CSMD1: variants seen among roughly 807,000 people sequenced by gnomAD.
CSMD1 encodes CUB and Sushi multiple domains 1, also known as CUB and sushi domain-containing protein 1.
Under a neutral mutation model 417.5 loss-of-function variants are expected in CSMD1, and 213 were observed. The ratio of observed to expected loss-of-function variants is 0.51; its 90% CI spans 0.46 to 0.57. CSMD1 has a LOEUF of 0.57. Among genes scored for constraint, CSMD1 ranks in the 20% least tolerant of loss-of-function variants. The pLI, the probability that CSMD1 is intolerant of heterozygous loss-of-function variation, is 0.00. For synonymous variants in CSMD1, 2,862 were observed against 1,736.8 expected, an observed-to-expected ratio of 1.65 and a Z score of -16.11; for missense variants, 6,923 against 4,529.7, an observed-to-expected ratio of 1.53 and a Z score of -15.17.
intron 7 of CSMD1, among the ~76,000 whole-genome samples, chr8:3,653,421 G>T (rs1192912047): frequency 6.6e-6 from 1 of 152,084 alleles, no homozygotes; most frequent in East Asian, 1.9e-4. Context: ...CGATTGTCCT[G>T]CCTCAGCCTC....
At chr8:3,258,287 C>T (rs552637365) in intron 26 of CSMD1, among the ~76,000 whole-genome samples, 18 of 152,220 alleles carry the variant, frequency 1.2e-4, no homozygotes, top group African/African-American at 4.1e-4. Context: ...GGACAAAGGA[C>T]ATGAACAGAC....
At position 3,981,208 on chromosome 8, in the gene CSMD1, G is replaced by C. The variant is rs145769063; in HGVS notation, c.818+16695C>G. 8.1e-4 allele frequency among the ~76,000 whole-genome samples: 123 copies of C among 152,298 alleles called. 1 individual carries two copies. The highest frequency in any genetic ancestry group is 2.8e-3 in the African/African-American group (117 of 41,582). ...TATCTCCATAGTTTTCTTCAGTAAA[G>C]AACATGCAATTATTCTAAGTGAAGT... On this transcript the variant is annotated intron_variant, in intron 5 of 69. Coordinates refer to ENST00000635120, the MANE Select transcript of CSMD1 (RefSeq NM_033225.6).
chr8:4,872,817 G>C (rs1216554949), intron 1 of CSMD1, among the ~76,000 whole-genome samples: 1 of 152,024 alleles, frequency 6.6e-6, no homozygotes, highest in East Asian at 1.9e-4. Flanking sequence ...TACTGTTTTT[G>C]CCCTTTATGA....
At chr8:3,948,506 T>C (rs1181341471) in intron 5 of CSMD1, among the ~76,000 whole-genome samples, 2 of 152,126 alleles carry the variant, frequency 1.3e-5, no homozygotes, top group East Asian at 3.9e-4. Context: ...GAATAGTTTG[T>C]CTTCTTATAT....
At chr8:3,776,099 C>G (rs1002065788) in intron 5 of CSMD1, among the ~76,000 whole-genome samples, 1 of 152,182 alleles carries the variant, frequency 6.6e-6, no homozygotes, top group Non-Finnish European at 1.5e-5. Flanking sequence ...TTTCCCCATC[C>G]TCCCCCATCC....
intron 18 of CSMD1, among the ~76,000 whole-genome samples, chr8:3,378,416 G>C (rs1810444218): frequency 6.6e-6 from 1 of 152,104 alleles, no homozygotes; most frequent in Non-Finnish European, 1.5e-5. Context: ...GCATCATCCT[G>C]ATACCAAAAC....
chr8:3,976,457 G>C (rs1399935427), intron 5 of CSMD1, among the ~76,000 whole-genome samples: 1 of 152,088 alleles, frequency 6.6e-6, no homozygotes, highest in Non-Finnish European at 1.5e-5. Context: ...TATTAATTCA[G>C]CTGTCTCCCG....
At chr8:4,939,457 T>C (rs1414301321) in intron 1 of CSMD1, among the ~76,000 whole-genome samples, 1 of 152,234 alleles carries the variant, frequency 6.6e-6, no homozygotes, top group Non-Finnish European at 1.5e-5. Context: ...AATGGAGTAC[T>C]ATTCAGCCTT....
At chr8:3,361,520 T>A (rs566013774) in intron 20 of CSMD1, among the ~76,000 whole-genome samples, 53 of 151,406 alleles carry the variant, frequency 3.5e-4, no homozygotes, top group Non-Finnish European at 5.2e-4. Context: ...GGCATGGTGG[T>A]GCATGCCTGT....
intron 5 of CSMD1, among the ~76,000 whole-genome samples, chr8:3,793,495 G>A (rs1332176584): frequency 2.8e-5 from 4 of 144,578 alleles, no homozygotes; most frequent in African/African-American, 1.0e-4. Context: ...CAGCCCTCTT[G>A]TGCCCCCCTC....
chr8:3,852,942 T>G lies in CSMD1; in HGVS notation c.819-98900A>C, dbSNP rs573958772. On this transcript the variant is annotated intron_variant, in intron 5 of 69. Coordinates refer to ENST00000635120, the MANE Select transcript of CSMD1 (RefSeq NM_033225.6). ...TGATCCCACCTTCCTCACTAAATAT[T>G]GCTCCATTTATTTGCACCGCTTTAT... 4.6e-5 allele frequency among the ~76,000 whole-genome samples: 7 copies of G among 152,304 alleles called. No homozygotes were observed. The East Asian group carries it at 1.4e-3, about 29-fold the overall frequency.
At chr8:3,753,894 G>GTTT (rs748644859) in intron 6 of CSMD1, 36 bp downstream of exon 6, 56 of 1,120,054 alleles carry the variant, frequency 5.0e-5, no homozygotes, top group Middle Eastern at 2.2e-4. Context: ...ATTACGCTCT[G>GTTT]TTTTTTTTTT....
chr8:3,978,946 G>T (rs1041004218), intron 5 of CSMD1, among the ~76,000 whole-genome samples: 24 of 152,158 alleles, frequency 1.6e-4, no homozygotes, highest in Non-Finnish European at 1.2e-4. Flanking sequence ...GCCAGCCACA[G>T]GTTCCACTGT....
chr8:4,112,833 A>G (rs1372694589), intron 3 of CSMD1, among the ~76,000 whole-genome samples: 1 of 152,168 alleles, frequency 6.6e-6, no homozygotes, highest in Non-Finnish European at 1.5e-5. Flanking sequence ...TCTTCACTGT[A>G]TTGCACTTTG....
At chr8:4,402,471 C>G (rs759128380) in intron 3 of CSMD1, among the ~76,000 whole-genome samples, 3 of 152,166 alleles carry the variant, frequency 2.0e-5, no homozygotes, top group Non-Finnish European at 4.4e-5. Context: ...TTCCTGGTCT[C>G]TCTGTATGTT....
rs1024508931 is a variant in CSMD1 at position 3,521,561 on chromosome 8, A to G, written c.1345-27835T>C. Among the ~76,000 whole-genome samples the G allele has an allele frequency of 2.6e-5, 4 of 152,176 alleles. No homozygotes were observed. In the South Asian group the frequency reaches 6.2e-4, roughly 24 times the overall value. Reference sequence around the variant, plus strand: ...CATCAGTAAACATAAGTTACTCCCAAGTTGGATCTATTACTGACCATCATT... The same window carrying G: ...CATCAGTAAACATAAGTTACTCCCAGGTTGGATCTATTACTGACCATCATT... On this transcript the variant is annotated intron_variant, in intron 10 of 69. Transcript: ENST00000635120.
intron 6 of CSMD1, among the ~76,000 whole-genome samples, chr8:3,710,291 T>C (rs1438520640): frequency 6.6e-6 from 1 of 152,132 alleles, no homozygotes; most frequent in African/African-American, 2.4e-5. Flanking sequence ...ACTGTATAAA[T>C]AAATCTATCT....
At chr8:3,404,855 C>T (rs1485111574) in intron 15 of CSMD1, among the ~76,000 whole-genome samples, 2 of 152,124 alleles carry the variant, frequency 1.3e-5, no homozygotes, top group East Asian at 3.9e-4. Context: ...ACCTGTTATT[C>T]TTCATGATTT....
At chr8:3,671,798 G>A (rs1290863533) in intron 7 of CSMD1, among the ~76,000 whole-genome samples, 2 of 151,740 alleles carry the variant, frequency 1.3e-5, no homozygotes, top group East Asian at 3.9e-4. Flanking sequence ...GCAGCCCTGG[G>A]CTTGGAGCCT....
Sources: gnomAD v4.1 joint callset for allele counts (sites outside exome capture counted in the v4.1 genomes callset) on GRCh38, gnomAD v4.1.1 for gene constraint, MANE v1.5 for transcripts, NCBI Gene and HGNC (gene_info 2026-07-23, HGNC 2026-07-21) for gene names.